CELF2: variants seen among roughly 807,000 people sequenced by gnomAD.
The protein encoded by CELF2 is CUG triplet repeat RNA-binding protein 2.
A neutral mutation model predicts 62.6 loss-of-function variants in CELF2; 8 were observed. The observed-to-expected ratio is 0.13, with a 90% CI of 0.07 to 0.23. CELF2 has a LOEUF of 0.23. Ranked by LOEUF, CELF2 falls within the 10% of genes least tolerant of loss-of-function variation. The pLI, the probability that CELF2 is intolerant of heterozygous loss-of-function variation, is 1.00. For missense variants in CELF2, 333 were observed against 671.0 expected, an observed-to-expected ratio of 0.50 and a Z score of 5.56; for synonymous variants, 258 against 250.0, an observed-to-expected ratio of 1.03 and a Z score of -0.30.
At chr10:10,735,739 G>T in the CELF2 span, among the ~76,000 whole-genome samples, 9 of 152,142 alleles carry the variant, frequency 5.9e-5, no homozygotes, top group African/African-American at 1.7e-4. Flanking sequence ...CATGGCTATG[G>T]TGATAATAAG....
At chr10:10,792,079 AG>A in the CELF2 span, among the ~76,000 whole-genome samples, 1 of 127,084 alleles carries the variant, frequency 7.9e-6, no homozygotes, top group Non-Finnish European at 1.6e-5. Context: ...GAAGGAGGAA[AG>A]GGAGGGAGGG....
chr10:10,803,021 C>T (rs1441304876), intron 1 of CELF2, among the ~76,000 whole-genome samples: 3 of 152,116 alleles, frequency 2.0e-5, no homozygotes, highest in African/African-American at 4.8e-5. Context: ...CCCCATTTTC[C>T]GTCTTAATTT....
the CELF2 span, among the ~76,000 whole-genome samples, chr10:10,543,758 T>TCAACAACAACAACAACAA: frequency 6.6e-6 from 1 of 151,102 alleles, no homozygotes; most frequent in African/African-American, 2.4e-5. Context: ...AAACTCCATT[T>TCAACAACAACAACAACAA]CAACAACAAC....
At chr10:10,485,694 C>A in the CELF2 span, among the ~76,000 whole-genome samples, 1 of 152,130 alleles carries the variant, frequency 6.6e-6, no homozygotes, top group African/African-American at 2.4e-5. Context: ...TTGCAGAATG[C>A]TTTGTGTTTA....
chr10:10,563,239 A>G, the CELF2 span, among the ~76,000 whole-genome samples: 1,755 of 152,206 alleles, frequency 0.012, 62 homozygotes, highest in East Asian at 0.099. Context: ...CCTAGAAGAC[A>G]CCCAGCCAGG....
chr10:10,755,422 C>T, the CELF2 span, among the ~76,000 whole-genome samples: 260 of 152,248 alleles, frequency 1.7e-3, 2 homozygotes, highest in South Asian at 0.012. Context: ...TTGCCAAACA[C>T]GGGGGAAATT....
chr10:10,824,232 T>C (rs1452658595), intron 1 of CELF2, among the ~76,000 whole-genome samples: 1 of 152,214 alleles, frequency 6.6e-6, no homozygotes, highest in African/African-American at 2.4e-5. Flanking sequence ...TGTTTTCTCT[T>C]CCAAATAATG....
intron 2 of CELF2, among the ~76,000 whole-genome samples, chr10:11,168,336 A>G (rs1247852463): frequency 6.6e-6 from 1 of 152,210 alleles, no homozygotes; most frequent in Non-Finnish European, 1.5e-5. Context: ...AGCTTTTGTT[A>G]TACAGACATC....
intron 1 of CELF2, among the ~76,000 whole-genome samples, chr10:10,805,290 C>G (rs977605162): frequency 1.3e-5 from 2 of 152,118 alleles, no homozygotes; most frequent in African/African-American, 4.8e-5. Context: ...AACAGTGACA[C>G]CACATACTTT....
At chr10:10,475,295 T>G in the CELF2 span, among the ~76,000 whole-genome samples, 1 of 151,932 alleles carries the variant, frequency 6.6e-6, no homozygotes, top group Non-Finnish European at 1.5e-5. Context: ...TTTCAGTGGG[T>G]TCCTGATGGT....
chr10:11,001,873 A>G (rs1233707569), upstream of CELF2, among the ~76,000 whole-genome samples: 1 of 152,196 alleles, frequency 6.6e-6, no homozygotes, highest in East Asian at 1.9e-4. Context: ...GATCCCAAAA[A>G]ATATTAATAA....
chr10:11,317,796 GA>G (rs2095140358), intron 10 of CELF2: 1 of 152,294 alleles, frequency 6.6e-6, no homozygotes, highest in South Asian at 2.1e-4. Context: ...GAATGAGGCA[GA>G]AGAAACTCAG....
intron 2 of CELF2, among the ~76,000 whole-genome samples, chr10:11,212,962 A>C (rs773756028): frequency 2.0e-5 from 3 of 152,180 alleles, no homozygotes; most frequent in Non-Finnish European, 4.4e-5. Flanking sequence ...TCAAATGAGC[A>C]AAGTGGAAAT....
At chr10:11,034,270 A>C (rs2139074608) in intron 1 of CELF2, among the ~76,000 whole-genome samples, 1 of 152,330 alleles carries the variant, frequency 6.6e-6, no homozygotes. Context: ...AGATACAAGA[A>C]ATTAACCGAT....
At chr10:10,726,542 T>C in the CELF2 span, among the ~76,000 whole-genome samples, 1 of 152,196 alleles carries the variant, frequency 6.6e-6, no homozygotes, top group Non-Finnish European at 1.5e-5. Flanking sequence ...GCTTTTAGAA[T>C]CTTCCTAAGT....
chr10:10,662,107 C>T, the CELF2 span, among the ~76,000 whole-genome samples: 1 of 152,144 alleles, frequency 6.6e-6, no homozygotes, highest in African/African-American at 2.4e-5. Flanking sequence ...CAGCACACAG[C>T]ACTGGGTGCA....
At chr10:11,284,491 G>T (rs2090437713) in intron 8 of CELF2, among the ~76,000 whole-genome samples, 1 of 130,886 alleles carries the variant, frequency 7.6e-6, no homozygotes, top group African/African-American at 2.9e-5. Context: ...TGAGGGATGA[G>T]TGTGTGGTGG....
rs770852613 is a variant in CELF2, at chr10:11,187,643, C to T, written c.271+21961C>T. On this transcript the variant is annotated intron_variant, in intron 2 of 12. Transcript: ENST00000633077. ...TCAAATTACTTTTTCATTTTACCTT[C>T]TTTGTTGGCTTACTAGTTATAGCTC... Among the ~76,000 whole-genome samples the T allele has an allele frequency of 6.6e-5, 10 of 151,506 alleles. No individual in the cohort carries two copies. In the South Asian group the frequency reaches 8.4e-4, roughly 13 times the overall value.
chr10:10,925,322 G>C (rs1192184849), intron 2 of CELF2: 1 of 152,090 alleles, frequency 6.6e-6, no homozygotes, highest in East Asian at 1.9e-4. Context: ...AGCTCTCCTG[G>C]GGCCCATGCC....
Sources: gnomAD v4.1 joint callset for allele counts (sites outside exome capture counted in the v4.1 genomes callset) on GRCh38, gnomAD v4.1.1 for gene constraint, MANE v1.5 for transcripts, NCBI Gene and HGNC (gene_info 2026-07-23, HGNC 2026-07-21) for gene names.